The following STRBP variants were observed in gnomAD, a reference collection of about 807,000 sequenced individuals.
STRBP encodes spermatid perinuclear RNA binding protein, also known as spermatid perinuclear RNA-binding protein.
Under a neutral mutation model 80.1 loss-of-function variants are expected in STRBP, and 13 were observed. That is an observed-to-expected ratio of 0.16 (90% CI 0.11 to 0.26). The LOEUF is 0.26. Ranked by LOEUF, STRBP falls within the 10% of genes least tolerant of loss-of-function variation. The pLI, the probability that STRBP is intolerant of heterozygous loss-of-function variation, is 1.00. For missense variants in STRBP, 485 were observed against 815.2 expected (o/e 0.59, Z 4.93); for synonymous variants, 284 against 291.2 (o/e 0.98, Z 0.25).
At chr9:123,238,596 GA>G (rs2132599454) in intron 1 of STRBP, among the ~76,000 whole-genome samples, 1 of 152,286 alleles carries the variant, frequency 6.6e-6, no homozygotes, top group Non-Finnish European at 1.5e-5. Context: ...GACTGTACAG[GA>G]ACTCTGACAG....
At chr9:123,147,162 A>G (rs962775167) in intron 12 of STRBP, 108 bp from the exon 13 acceptor site, 4 of 790,494 alleles carry the variant, frequency 5.1e-6, no homozygotes, top group Non-Finnish European at 7.9e-6. Flanking sequence ...ATTTTTTTAA[A>G]TGAGGATTTC....
intron 18 of STRBP, among the ~76,000 whole-genome samples, chr9:123,125,993 C>T (rs1158453652): frequency 1.3e-5 from 2 of 152,066 alleles, no homozygotes; most frequent in African/African-American, 2.4e-5. Flanking sequence ...TGTAGAAATC[C>T]ATATTGGTTC....
chr9:123,206,958 A>G (rs1204059843), intron 2 of STRBP, among the ~76,000 whole-genome samples: 1 of 152,146 alleles, frequency 6.6e-6, no homozygotes, highest in Non-Finnish European at 1.5e-5. Context: ...TTTAAATATG[A>G]ACAAATTTAT....
intron 11 of STRBP, among the ~76,000 whole-genome samples, chr9:123,151,253 C>A (rs552583570): frequency 5.3e-5 from 8 of 151,868 alleles, no homozygotes; most frequent in Non-Finnish European, 1.2e-4. Flanking sequence ...GGCAGGCCTG[C>A]AAGGGGAAAT....
intron 2 of STRBP, among the ~76,000 whole-genome samples, chr9:123,202,801 A>C (rs1325050782): frequency 6.6e-6 from 1 of 152,176 alleles, no homozygotes; most frequent in Non-Finnish European, 1.5e-5. Context: ...TCAGAACATC[A>C]CACCTACTCC....
intron 3 of STRBP, among the ~76,000 whole-genome samples, chr9:123,180,655 C>T (rs575666440): frequency 6.6e-6 from 1 of 152,020 alleles, no homozygotes; most frequent in Non-Finnish European, 1.5e-5. Context: ...AGACCAGAAC[C>T]CAGAAAATGA....
At chr9:123,222,122 C>T (rs1469909813) in intron 2 of STRBP, among the ~76,000 whole-genome samples, 1 of 151,974 alleles carries the variant, frequency 6.6e-6, no homozygotes, top group Non-Finnish European at 1.5e-5. Flanking sequence ...TCCCTTCCTA[C>T]CCCTCTCCTC....
chr9:123,194,593 C>T (rs1324427525), intron 2 of STRBP, among the ~76,000 whole-genome samples: 1 of 152,158 alleles, frequency 6.6e-6, no homozygotes, highest in Non-Finnish European at 1.5e-5. Flanking sequence ...ACTGAGTTTA[C>T]ACTTTGGGTT....
At chr9:123,141,684 C>T (rs879379522) in intron 13 of STRBP, among the ~76,000 whole-genome samples, 2 of 152,186 alleles carry the variant, frequency 1.3e-5, no homozygotes, top group Non-Finnish European at 2.9e-5. Context: ...ATACTTCTCT[C>T]CACCCTTTTC....
intron 1 of STRBP, among the ~76,000 whole-genome samples, chr9:123,247,984 T>C (rs770862930): frequency 6.6e-6 from 1 of 152,164 alleles, no homozygotes; most frequent in Non-Finnish European, 1.5e-5. Context: ...TTTAAATCGT[T>C]ATAATAATTC....
intron 2 of STRBP, among the ~76,000 whole-genome samples, chr9:123,200,568 GTCTT>G (rs1255774642): frequency 6.8e-6 from 1 of 146,004 alleles, no homozygotes; most frequent in African/African-American, 2.5e-5. Context: ...CAATTTTTTT[GTCTT>G]TTTTTTTTTT....
At chr9:123,135,655 G>A (rs771389447) in intron 16 of STRBP, among the ~76,000 whole-genome samples, 5 of 152,120 alleles carry the variant, frequency 3.3e-5, no homozygotes, top group Non-Finnish European at 7.4e-5. Context: ...AACTGGAAGA[G>A]CACCCGCAGG....
At chr9:123,151,720 T>G (rs1383037858) in intron 11 of STRBP, among the ~76,000 whole-genome samples, 2 of 152,040 alleles carry the variant, frequency 1.3e-5, no homozygotes, top group African/African-American at 4.8e-5. Flanking sequence ...TAATAGTATA[T>G]AAAATAAGAG....
chr9:123,157,617 C>T (rs2037344821), intron 11 of STRBP, among the ~76,000 whole-genome samples: 1 of 152,010 alleles, frequency 6.6e-6, no homozygotes, highest in East Asian at 1.9e-4. Context: ...ACTGGGGAGG[C>T]CTCAGGAAAC....
At chr9:123,179,292 A>C in intron 3 of STRBP, 65 bp from the exon 4 acceptor site, 1 of 1,397,196 alleles carries the variant, frequency 7.2e-7, no homozygotes, top group Non-Finnish European at 9.9e-7. Context: ...AAGATGATAT[A>C]CAACTATATC....
chr9:123,188,882 CTAAAA>C (rs2038807407), intron 2 of STRBP, among the ~76,000 whole-genome samples: 1 of 152,024 alleles, frequency 6.6e-6, no homozygotes, highest in Non-Finnish European at 1.5e-5. Context: ...TATAAGCCAC[CTAAAA>C]CAAGCTATGT....
rs2035636911 is a variant in STRBP at position 123,115,882 on chromosome 9, C to G, written c.*84+47G>C. On this transcript the variant is annotated intron_variant and NMD_transcript_variant, in intron 3 of 3. Transcript: ENST00000471564. This position sits in a 1 kb window ranked among gnomAD's most constrained non-coding sequence, Gnocchi z 5.0. ...ACTGGCTTCCCATAATTGTCTTTCACCCTTTGGAACCACATACAACAAATA... is the reference window on the plus strand; with the variant it reads ...ACTGGCTTCCCATAATTGTCTTTCAGCCTTTGGAACCACATACAACAAATA... 5.3e-6 allele frequency: 2 copies of G among 376,208 alleles called. No individual in the cohort carries two copies. The highest frequency in any genetic ancestry group is 3.3e-5 in the Admixed American group (1 of 30,096). 23.3% of individuals were successfully genotyped at this position (376,208 alleles called of 1,614,324 possible). A position where few individuals can be genotyped will look rare whatever the true frequency, so the allele number is the denominator to read the frequency against.
chr9:123,178,287 C>A lies in STRBP; in HGVS notation c.224+720G>T, dbSNP rs151273044. On this transcript the variant is annotated intron_variant, in intron 4 of 18. Coordinates refer to ENST00000348403, the MANE Select transcript of STRBP (RefSeq NM_018387.5). ...AATGTTTTTATTCATAGAGTATAGT[C>A]AAATGAGCTCCATCTTTCAAAGTTA... 4.3e-4 allele frequency among the ~76,000 whole-genome samples: 65 copies of A among 152,310 alleles called. No individual in the cohort carries two copies. In the East Asian group the frequency reaches 9.6e-3, roughly 23 times the overall value.
At chr9:123,254,677 A>C (rs919948271) in intron 1 of STRBP, among the ~76,000 whole-genome samples, 3 of 152,186 alleles carry the variant, frequency 2.0e-5, no homozygotes, top group African/African-American at 7.2e-5. Flanking sequence ...AAAATTTACA[A>C]TATACTCCAA....
Sources: allele counts gnomAD v4.1 joint callset (sites outside exome capture counted in the v4.1 genomes callset), GRCh38; gene constraint gnomAD v4.1.1; non-coding constraint Gnocchi (gnomAD v3.1); transcripts MANE v1.5; gene names NCBI Gene and HGNC (gene_info 2026-07-23, HGNC 2026-07-21).